Variants in DLGAP5 observed in about 807,000 individuals in gnomAD.
The protein encoded by DLGAP5 is disks large-associated protein 5.
Under a neutral mutation model 99.6 loss-of-function variants are expected in DLGAP5, and 90 were observed. That is an observed-to-expected ratio of 0.90 (90% CI 0.76 to 1.08). The LOEUF is 1.08. Ranked by LOEUF, DLGAP5 falls within the 50% of genes least tolerant of loss-of-function variation. The pLI, the probability that DLGAP5 is intolerant of heterozygous loss-of-function variation, is 0.00. For missense variants in DLGAP5, 1,036 were observed against 983.5 expected (o/e 1.05, Z -0.71); for synonymous variants, 311 against 321.3 (o/e 0.97, Z 0.34).
At chr14:55,176,976 GAAAA>G (rs34109336) in intron 8 of DLGAP5, 82 bp downstream of exon 8, 1,862 of 252,572 alleles carry the variant, frequency 7.4e-3, no homozygotes, top group African/African-American at 0.047. Flanking sequence ...AACTCCGTCT[GAAAA>G]AAAAAAAAAA....
chr14:55,189,641 C>G (rs1185513683), intron 1 of DLGAP5, among the ~76,000 whole-genome samples: 2 of 152,136 alleles, frequency 1.3e-5, no homozygotes, highest in African/African-American at 4.8e-5. Context: ...TAGGGATAAT[C>G]AATAGGCAAC....
intron 1 of DLGAP5, among the ~76,000 whole-genome samples, chr14:55,190,874 C>A (rs935222257): frequency 6.6e-6 from 1 of 152,202 alleles, no homozygotes; most frequent in Non-Finnish European, 1.5e-5. Context: ...GTATTAAATA[C>A]AGGATAGCAC....
At chr14:55,158,210 G>A (rs966028272) in intron 14 of DLGAP5, among the ~76,000 whole-genome samples, 1 of 152,024 alleles carries the variant, frequency 6.6e-6, no homozygotes, top group Non-Finnish European at 1.5e-5. Context: ...CTTACCTCTT[G>A]GGATCCTGTG....
At position 55,183,616 on chromosome 14, in the gene DLGAP5, C is replaced by G. The variant is rs1883340393; in HGVS notation, c.376G>C (p.Asp126His). ...GIFKVGRYRP[D>H]MPCFLLSNQN... Reference sequence around the variant, plus strand: ...TTTGATAAAAGAAAACAAGGCATATCAGGTCTATAACGACCCACTTTAAAT... The same window carrying G: ...TTTGATAAAAGAAAACAAGGCATATGAGGTCTATAACGACCCACTTTAAAT... The change falls in exon 3 of 19, where the codon GAT becomes CAT. Residue 126 changes from aspartate (D) to histidine (H), a missense_variant. Asp to His is a moderately conservative substitution (Grantham distance 81). Transcript: ENST00000247191. 1.3e-6 allele frequency: 2 copies of G among 1,598,906 alleles called. No homozygotes were observed. The highest frequency in any genetic ancestry group is 1.7e-6 in the Non-Finnish European group (2 of 1,175,824).
At chr14:55,149,682 C>T (rs1881942242) in intron 18 of DLGAP5, among the ~76,000 whole-genome samples, 1 of 152,066 alleles carries the variant, frequency 6.6e-6, no homozygotes, top group Non-Finnish European at 1.5e-5. Flanking sequence ...AAGGCTGTAA[C>T]CACAGGTGTA....
chr14:55,153,484 T>C (rs1338122487), intron 15 of DLGAP5, among the ~76,000 whole-genome samples: 1 of 149,882 alleles, frequency 6.7e-6, no homozygotes. Flanking sequence ...GAGGTTGCAG[T>C]GAGCCGAGGT....
chr14:55,176,976 GAAAAAAAAAAAAAAAA>G lies in DLGAP5; in HGVS notation c.1049+70_1049+85del, dbSNP rs34109336. Reference sequence around the variant, plus strand: ...CTGGGCGACAGAGCGAACTCCGTCTGAAAAAAAAAAAAAAAAAAAAAAAAAAAAGAAAGGCATTTAT... The same window carrying G: ...CTGGGCGACAGAGCGAACTCCGTCTGAAAAAAAAAAAAGAAAGGCATTTAT... On this transcript the variant is annotated intron_variant, in intron 8 of 18. Transcript: ENST00000247191. 2.1e-4 allele frequency: 52 copies of G among 253,506 alleles called. 1 individual carries two copies. The highest frequency in any genetic ancestry group is 1.3e-3 in the Admixed American group (12 of 8,964). The allele number at this position is 253,506 out of a possible 1,614,324, so 15.7% of individuals were successfully genotyped here.
chr14:55,153,199 A>G (rs1020416037), intron 15 of DLGAP5, among the ~76,000 whole-genome samples: 3 of 152,206 alleles, frequency 2.0e-5, no homozygotes, highest in Non-Finnish European at 4.4e-5. Context: ...TAATTGAGTT[A>G]GAATACAAGG....
At chr14:55,190,049 G>A (rs1333095778) in intron 1 of DLGAP5, among the ~76,000 whole-genome samples, 1 of 152,160 alleles carries the variant, frequency 6.6e-6, no homozygotes, top group Non-Finnish European at 1.5e-5. Context: ...AAGGATTTTA[G>A]TAGTTGTTTG....
intron 12 of DLGAP5, among the ~76,000 whole-genome samples, chr14:55,166,644 G>A (rs1396244515): frequency 5.3e-5 from 8 of 151,902 alleles, no homozygotes; most frequent in Non-Finnish European, 8.8e-5. Context: ...CAGGAGAATC[G>A]CTTGAACTCA....
intron 13 of DLGAP5, among the ~76,000 whole-genome samples, chr14:55,161,225 A>T (rs1882418160): frequency 6.6e-6 from 1 of 152,076 alleles, no homozygotes; most frequent in African/African-American, 2.4e-5. Flanking sequence ...TATAGGACAT[A>T]GCCATGATCT....
rs369464956 is a variant in DLGAP5 at position 55,183,627 on chromosome 14, C to T, written c.365G>A (p.Arg122His). Reference sequence around the variant, plus strand: ...AAAACAAGGCATATCAGGTCTATAACGACCCACTTTAAATATTCCTCGTTT... The same window carrying T: ...AAAACAAGGCATATCAGGTCTATAATGACCCACTTTAAATATTCCTCGTTT... Reference protein sequence around the residue: ...KAKRGIFKVGRYRPDMPCFLL... With the variant: ...KAKRGIFKVGHYRPDMPCFLL... The change falls in exon 3 of 19, where the codon CGT becomes CAT. Residue 122 changes from arginine (R) to histidine (H), a missense_variant. Physicochemically the swap from Arg to His is conservative, Grantham distance 29. Coordinates refer to ENST00000247191, the MANE Select transcript of DLGAP5 (RefSeq NM_014750.5). The T allele has an allele frequency of 1.1e-4, 176 of 1,609,696 alleles. 2 individuals are homozygous for T. Among genetic ancestry groups the T allele is most frequent in the South Asian group, 9.0e-4 (81 of 89,868 alleles).
intron 3 of DLGAP5, 71 bp downstream of exon 3, chr14:55,183,489 A>T: frequency 7.8e-7 from 1 of 1,280,232 alleles, no homozygotes; most frequent in South Asian, 1.7e-5. Flanking sequence ...GAAAGGGGTT[A>T]GTCACTTAAT....
intron 13 of DLGAP5, 26 bp downstream of exon 13, chr14:55,162,945 A>T: frequency 1.5e-6 from 2 of 1,361,258 alleles, no homozygotes; most frequent in Admixed American, 2.3e-5. Flanking sequence ...AAAAAAAAAA[A>T]TTGGATATAA....
intron 7 of DLGAP5, 152 bp from the exon 8 acceptor site, chr14:55,177,488 G>T: frequency 1.6e-6 from 1 of 607,066 alleles, no homozygotes; most frequent in Non-Finnish European, 2.6e-6. Flanking sequence ...GTGTATACAT[G>T]GAATCAGAAG....
At position 55,154,347 on chromosome 14, in the gene DLGAP5, G is replaced by A. The variant is rs1306206138; in HGVS notation, c.2063+270C>T. On this transcript the variant is annotated intron_variant, in intron 15 of 18. Transcript: ENST00000247191. The stretch of plus-strand genomic sequence containing the variant: ...CAGCTCAGAACTGTTGAGCACCAAA[G>A]TTGTAGTATGTTTAGCACCAAAGGA... Among the ~76,000 whole-genome samples the A allele has an allele frequency of 2.0e-5, 3 of 152,142 alleles. No homozygotes were observed. The East Asian group carries it at 5.8e-4, about 29-fold the overall frequency.
At chr14:55,154,934 G>C in intron 14 of DLGAP5, 128 bp from the exon 15 acceptor site, 1 of 767,960 alleles carries the variant, frequency 1.3e-6, no homozygotes, top group Non-Finnish European at 2.1e-6. Context: ...AAAGACAAAT[G>C]CCTGGGACTT....
intron 12 of DLGAP5, among the ~76,000 whole-genome samples, chr14:55,168,500 T>G (rs1882725279): frequency 6.6e-6 from 1 of 152,230 alleles, no homozygotes; most frequent in African/African-American, 2.4e-5. Context: ...CAATGTCTAT[T>G]GTTGGCTGTT....
rs369343273 is a variant in DLGAP5, at chr14:55,159,607, G to A, written c.1654-866C>T. 7.9e-5 allele frequency among the ~76,000 whole-genome samples: 12 copies of A among 152,266 alleles called. No individual in the cohort carries two copies. In the South Asian group the frequency reaches 2.5e-3, roughly 32 times the overall value. ...TTCTATCTTGAACACCTGGTGGGAT[G>A]GTAACAGCATTATGAGACAGGGCAA... is the stretch of plus-strand genomic sequence containing the variant. On this transcript the variant is annotated intron_variant, in intron 13 of 18. Coordinates refer to ENST00000247191, the MANE Select transcript of DLGAP5 (RefSeq NM_014750.5).
Sources: gnomAD v4.1 joint callset for allele counts (sites outside exome capture counted in the v4.1 genomes callset) on GRCh38, gnomAD v4.1.1 for gene constraint, MANE v1.5 for transcripts, NCBI Gene and HGNC (gene_info 2026-07-23, HGNC 2026-07-21) for gene names.